Variants in EDARADD observed in about 807,000 individuals in gnomAD.
EDARADD encodes ectodysplasin-A receptor-associated adapter protein.
Under a neutral mutation model 25.6 loss-of-function variants are expected in EDARADD, and 20 were observed. The ratio of observed to expected loss-of-function variants is 0.78; its 90% CI spans 0.55 to 1.14. The LOEUF (loss-of-function observed/expected upper bound fraction) is 1.14. Among genes scored for constraint, EDARADD ranks in the 50% most tolerant of loss-of-function variants. EDARADD has a pLI of 0.00. For missense variants in EDARADD, 225 were observed against 270.1 expected, an observed-to-expected ratio of 0.83 and a Z score of 1.17; for synonymous variants, 86 against 94.4, an observed-to-expected ratio of 0.91 and a Z score of 0.52.
chr1:236,413,579 G>A (rs144719466), intron 2 of EDARADD, among the ~76,000 whole-genome samples: 1,562 of 152,256 alleles, frequency 0.01, 15 homozygotes, highest in Middle Eastern at 0.017. Flanking sequence ...TCTCATGGAC[G>A]TTTTCAGAAA....
At chr1:236,459,792 T>G (rs1658989901) in intron 4 of EDARADD, among the ~76,000 whole-genome samples, 1 of 151,978 alleles carries the variant, frequency 6.6e-6, no homozygotes, top group Admixed American at 6.6e-5. Flanking sequence ...TTTTGTATTT[T>G]TAGTAGAGAC....
intron 3 of EDARADD, among the ~76,000 whole-genome samples, chr1:236,422,248 T>C (rs1193223033): frequency 6.6e-6 from 1 of 152,226 alleles, no homozygotes; most frequent in Non-Finnish European, 1.5e-5. Context: ...TGGCGTTGTA[T>C]GTTCTTAGAA....
At chr1:236,463,634 T>C (rs1659099519) in intron 4 of EDARADD, among the ~76,000 whole-genome samples, 1 of 152,194 alleles carries the variant, frequency 6.6e-6, no homozygotes, top group South Asian at 2.1e-4. Context: ...GCATTAAGTA[T>C]ATTCGCGGTG....
chr1:236,454,023 A>T (rs16833701), intron 4 of EDARADD, among the ~76,000 whole-genome samples: 3 of 151,616 alleles, frequency 2.0e-5, no homozygotes, highest in Non-Finnish European at 4.4e-5. Flanking sequence ...CCAAGGATGC[A>T]GAGTTTGTAT....
intron 4 of EDARADD, among the ~76,000 whole-genome samples, chr1:236,436,501 C>T (rs1396453388): frequency 6.6e-6 from 1 of 151,138 alleles, no homozygotes; most frequent in Non-Finnish European, 1.5e-5. Flanking sequence ...GTGGTGCACA[C>T]TTGTAGTCCC....
chr1:236,483,521 C>A lies in EDARADD; in HGVS notation c.*872C>A. The A allele has an allele frequency of 9.4e-7, 1 of 1,058,550 alleles. No individual in the cohort carries two copies. The highest frequency in any genetic ancestry group is 1.5e-6 in the Non-Finnish European group (1 of 676,180). 65.6% of individuals were successfully genotyped at this position (1,058,550 alleles called of 1,614,324 possible). ...TTCTGGGAGTGTCCCTCGCTGCCTG[C>A]AAAGCTAGTGCTGTTGAGAAGGGGG... On this transcript the variant is annotated 3_prime_UTR_variant, in exon 6 of 6. Transcript: ENST00000334232.
At chr1:236,405,425 C>T (rs1433910809) in intron 1 of EDARADD, among the ~76,000 whole-genome samples, 2 of 152,144 alleles carry the variant, frequency 1.3e-5, no homozygotes, top group Non-Finnish European at 2.9e-5. Context: ...AGGTGGTTCC[C>T]AAATCCAGAA....
At chr1:236,437,396 G>C (rs1414666986) in intron 4 of EDARADD, among the ~76,000 whole-genome samples, 1 of 152,142 alleles carries the variant, frequency 6.6e-6, no homozygotes, top group Non-Finnish European at 1.5e-5. Context: ...CCACACCCTG[G>C]AAAGTTCCCG....
chr1:236,349,875 A>G (rs183543663), intron 2 of EDARADD, among the ~76,000 whole-genome samples: 7 of 152,284 alleles, frequency 4.6e-5, no homozygotes, highest in African/African-American at 1.4e-4. Context: ...ATTTTGGAAG[A>G]TTGAGGCAGG....
rs1173882818 is a variant in EDARADD at position 236,484,231 on chromosome 1, C to A, written c.*1582C>A. 2.1e-6 allele frequency: 2 copies of A among 973,856 alleles called. No individual in the cohort carries two copies. The highest frequency in any genetic ancestry group is 3.3e-6 in the Non-Finnish European group (2 of 597,098). The allele number at this position is 973,856 out of a possible 1,614,324, so 60.3% of individuals were successfully genotyped here. ...CGCTCTGTGACTGAGTCCCTTCAGGCGTGCAAGCTGGCCCAGGCCAATGGT... is the reference window on the plus strand; with the variant it reads ...CGCTCTGTGACTGAGTCCCTTCAGGAGTGCAAGCTGGCCCAGGCCAATGGT... On this transcript the variant is annotated 3_prime_UTR_variant, in exon 6 of 6. Coordinates refer to ENST00000334232, the MANE Select transcript of EDARADD (RefSeq NM_145861.4). The surrounding 1 kb of genome is among the most constrained non-coding windows in gnomAD (Gnocchi z 4.1).
At chr1:236,369,424 C>A (rs1406317108) in intron 3 of EDARADD, among the ~76,000 whole-genome samples, 1 of 152,212 alleles carries the variant, frequency 6.6e-6, no homozygotes, top group African/African-American at 2.4e-5. Flanking sequence ...GAGGCCAAAG[C>A]AACTTCATTT....
intron 4 of EDARADD, among the ~76,000 whole-genome samples, chr1:236,443,136 G>C (rs113301620): frequency 8.7e-4 from 133 of 152,270 alleles, no homozygotes; most frequent in African/African-American, 3.0e-3. Context: ...CCGGCAAGAA[G>C]GCCCTCACCA....
At position 236,483,321 on chromosome 1, in the gene EDARADD, G is replaced by T; in HGVS notation, c.*672G>T. The T allele has an allele frequency of 6.3e-7, 1 of 1,596,602 alleles. No individual in the cohort carries two copies. Among genetic ancestry groups the T allele is most frequent in the Non-Finnish European group, 8.6e-7 (1 of 1,166,772 alleles). The stretch of plus-strand genomic sequence containing the variant: ...TGAGGTCCTAGAGCTCCAGGACAAT[G>T]ATAAGACTCGCTATATGGGGAAGGG... On this transcript the variant is annotated 3_prime_UTR_variant, in exon 6 of 6. Transcript: ENST00000334232.
rs1390750841 is a variant in EDARADD, at chr1:236,387,342, C to A, written c.-5-21874C>A. Among the ~76,000 whole-genome samples the A allele has an allele frequency of 8.0e-5, 2 of 24,984 alleles. 1 individual carries two copies. The allele number at this position is 24,984 out of a possible 152,430, so 16.4% of individuals were successfully genotyped here. A position where few individuals can be genotyped will look rare whatever the true frequency, so the allele number is the denominator to read the frequency against. On this transcript the variant is annotated intron_variant, in intron 3 of 7. Coordinates refer to the EDARADD transcript ENST00000439430. ...GGGAGGTAGGGGGGTCAGCCCCCCG[C>A]CCGGCCAGCCGCCCCCTCCGGGAGG...
At position 236,482,828 on chromosome 1, in the gene EDARADD, T is replaced by G; in HGVS notation, c.*179T>G. Reference sequence around the variant, plus strand: ...GCTTGTTTCGGTGGTGGATCTCTGTTTATTTTTGCACATCTGTTATAATTT... The same window carrying G: ...GCTTGTTTCGGTGGTGGATCTCTGTGTATTTTTGCACATCTGTTATAATTT... On this transcript the variant is annotated 3_prime_UTR_variant, in exon 6 of 6. Transcript: ENST00000334232. 1.3e-6 allele frequency: 1 copy of G among 765,012 alleles called. No individual in the cohort carries two copies. The highest frequency in any genetic ancestry group is 2.1e-6 in the Non-Finnish European group (1 of 476,902). 47.4% of individuals were successfully genotyped at this position (765,012 alleles called of 1,614,324 possible). A position where few individuals can be genotyped will look rare whatever the true frequency, so the allele number is the denominator to read the frequency against.
In EDARADD at chr1:236,427,197, C is replaced by G. The variant is rs1759388; in HGVS notation, c.161-195C>G. Among the ~76,000 whole-genome samples, 72,813 of 151,958 alleles carry G rather than the reference C, an allele frequency of 0.48. 18,784 individuals are homozygous for G. The highest frequency in any genetic ancestry group is 0.59 in the Non-Finnish European group (39,979 of 67,978). ...GAATTGTGCCTAATCTCTTGATAAG[C>G]AGCATTGTTTAGCTGGGGGATCTTA... On this transcript the variant is annotated intron_variant, in intron 3 of 5. Coordinates refer to ENST00000334232, the MANE Select transcript of EDARADD (RefSeq NM_145861.4).
chr1:236,434,333 G>A (rs1483755365), intron 4 of EDARADD, among the ~76,000 whole-genome samples: 1 of 152,120 alleles, frequency 6.6e-6, no homozygotes, highest in Admixed American at 6.5e-5. Context: ...TGCCACCTGG[G>A]TTCAAGCAAT....
intron 2 of EDARADD, among the ~76,000 whole-genome samples, chr1:236,409,774 G>A (rs1417886674): frequency 6.6e-6 from 1 of 151,328 alleles, no homozygotes; most frequent in Non-Finnish European, 1.5e-5. Context: ...ATGTTGGCCA[G>A]GCTGGTCTTG....
At chr1:236,401,165 G>A (rs934408163) in intron 1 of EDARADD, among the ~76,000 whole-genome samples, 8 of 151,368 alleles carry the variant, frequency 5.3e-5, no homozygotes, top group African/African-American at 1.9e-4. Flanking sequence ...CAGCCTGGGC[G>A]ACAGAACAAG....
Sources: allele counts gnomAD v4.1 joint callset (sites outside exome capture counted in the v4.1 genomes callset), GRCh38; gene constraint gnomAD v4.1.1; non-coding constraint Gnocchi (gnomAD v3.1); transcripts MANE v1.5; gene names NCBI Gene and HGNC (gene_info 2026-07-23, HGNC 2026-07-21).